ZEB1: variants seen among roughly 807,000 people sequenced by gnomAD.
ZEB1 encodes zinc finger E-box binding homeobox 1.
ZEB1 carries 21 observed loss-of-function variants against 84.9 expected under a neutral mutation model. That is an observed-to-expected ratio of 0.25 (90% CI 0.18 to 0.36). The LOEUF (loss-of-function observed/expected upper bound fraction) is 0.36, where lower values mean the gene tolerates loss of function less well. Ranked by LOEUF, ZEB1 falls within the 10% of genes least tolerant of loss-of-function variation. The probability of loss-of-function intolerance (pLI) is 1.00; values close to 1 mark genes in which losing one functional copy is unlikely to be tolerated. For missense variants in ZEB1, 1,104 were observed against 1,330.2 expected (o/e 0.83, Z 2.65); for synonymous variants, 420 against 471.1 (o/e 0.89, Z 1.41).
At chr10:31,369,824 A>G (rs1342673067) in intron 1 of ZEB1, among the ~76,000 whole-genome samples, 3 of 152,178 alleles carry the variant, frequency 2.0e-5, no homozygotes, top group Non-Finnish European at 4.4e-5. Context: ...CCCACCAACA[A>G]TGTACTGTAT....
At chr10:31,351,431 T>G (rs911589379) in intron 1 of ZEB1, among the ~76,000 whole-genome samples, 4 of 152,208 alleles carry the variant, frequency 2.6e-5, no homozygotes, top group African/African-American at 9.6e-5. Flanking sequence ...CATAGAATTT[T>G]CAAAATTCTT....
At chr10:31,363,565 A>G (rs1487186391) in intron 1 of ZEB1, 5 of 1,527,150 alleles carry the variant, frequency 3.3e-6, no homozygotes, top group Non-Finnish European at 4.4e-6. Flanking sequence ...CTGGTCTTTC[A>G]CCTCTGTTGC....
intron 2 of ZEB1, among the ~76,000 whole-genome samples, chr10:31,462,522 A>G (rs1176658340): frequency 6.6e-6 from 1 of 152,212 alleles, no homozygotes; most frequent in East Asian, 1.9e-4. Flanking sequence ...TCTGAGTGAA[A>G]CAGAGTGGTC....
intron 2 of ZEB1, among the ~76,000 whole-genome samples, chr10:31,464,114 A>C (rs1189487061): frequency 6.6e-6 from 1 of 152,228 alleles, no homozygotes; most frequent in Non-Finnish European, 1.5e-5. Context: ...CAGAGGATAC[A>C]TTTAACAACA....
intron 1 of ZEB1, 149 bp downstream of exon 1, chr10:31,319,441 G>GC (rs985371838): frequency 2.6e-5 from 19 of 728,848 alleles, no homozygotes; most frequent in African/African-American, 7.1e-5. Context: ...AGTGCTCTCT[G>GC]CCCCCCTCCG....
intron 1 of ZEB1, among the ~76,000 whole-genome samples, chr10:31,392,920 G>A (rs964383304): frequency 1.3e-5 from 2 of 151,884 alleles, no homozygotes; most frequent in African/African-American, 2.4e-5. Flanking sequence ...CTGGAGCCTC[G>A]ACCTCTGAGG....
At chr10:31,431,838 G>T (rs1427077243) in intron 1 of ZEB1, among the ~76,000 whole-genome samples, 1 of 152,278 alleles carries the variant, frequency 6.6e-6, no homozygotes, top group East Asian at 1.9e-4. Flanking sequence ...ATAACTAACA[G>T]ATAAAAGGAT....
intron 3 of ZEB1, among the ~76,000 whole-genome samples, chr10:31,497,588 T>G (rs993071175): frequency 6.6e-6 from 1 of 152,180 alleles, no homozygotes; most frequent in Non-Finnish European, 1.5e-5. Flanking sequence ...TTTGAGCAGT[T>G]AAACTGTAAA....
At chr10:31,405,311 A>C (rs2052772076) in intron 1 of ZEB1, among the ~76,000 whole-genome samples, 1 of 152,204 alleles carries the variant, frequency 6.6e-6, no homozygotes. Context: ...AAAGGTGGTC[A>C]AACTTCCAAT....
At chr10:31,510,564 T>A in intron 4 of ZEB1, 109 bp from the exon 5 acceptor site, 1 of 847,294 alleles carries the variant, frequency 1.2e-6, no homozygotes, top group Non-Finnish European at 1.9e-6. Flanking sequence ...GAGGATCAAA[T>A]ATAAAGTGGG....
intron 8 of ZEB1, 34 bp downstream of exon 8, chr10:31,524,147 G>C (rs2072930152): frequency 6.3e-7 from 1 of 1,581,732 alleles, no homozygotes; most frequent in Non-Finnish European, 8.7e-7. Flanking sequence ...AAGTGTCCAT[G>C]ATATGATATA....
At chr10:31,319,353 C>A in intron 1 of ZEB1, 61 bp downstream of exon 1, 2 of 1,548,194 alleles carry the variant, frequency 1.3e-6, no homozygotes, top group Non-Finnish European at 1.8e-6. Context: ...GCCGGGGCGC[C>A]CCCGGGGGTG....
At chr10:31,323,178 T>C (rs903241676) in intron 1 of ZEB1, among the ~76,000 whole-genome samples, 1 of 152,150 alleles carries the variant, frequency 6.6e-6, no homozygotes, top group African/African-American at 2.4e-5. Context: ...TTTTGTTTTA[T>C]GTTCTTAGGT....
chr10:31,438,139 C>T (rs368903277), intron 1 of ZEB1, among the ~76,000 whole-genome samples: 8 of 152,206 alleles, frequency 5.3e-5, no homozygotes, highest in African/African-American at 1.7e-4. Flanking sequence ...GCGCTCTCCA[C>T]GAGGCCTCCC....
rs569354560 is a variant in ZEB1 at position 31,458,818 on chromosome 10, G to A, written c.59-2219G>A. 1.9e-4 allele frequency among the ~76,000 whole-genome samples: 29 copies of A among 152,182 alleles called. No individual in the cohort carries two copies. In the South Asian group the frequency reaches 5.6e-3, roughly 29 times the overall value. On this transcript the variant is annotated intron_variant, in intron 1 of 8. Coordinates refer to ENST00000424869, the MANE Select transcript of ZEB1 (RefSeq NM_001174096.2). ...CAAAAAAATTATCAATAGATCATAG[G>A]TTGAAGTATATCTGTATGATAGAAT...
intron 1 of ZEB1, among the ~76,000 whole-genome samples, chr10:31,348,812 ATTTG>A (rs1163979774): frequency 6.6e-6 from 1 of 152,180 alleles, no homozygotes; most frequent in African/African-American, 2.4e-5. Flanking sequence ...ATCTTCTGTT[ATTTG>A]TTTAAATTGA....
chr10:31,381,387 A>G (rs551878019), intron 1 of ZEB1, among the ~76,000 whole-genome samples: 2 of 152,340 alleles, frequency 1.3e-5, no homozygotes, highest in African/African-American at 2.4e-5. Context: ...ATATCTAGCA[A>G]TACATTTGAG....
intron 1 of ZEB1, among the ~76,000 whole-genome samples, chr10:31,354,835 A>T (rs1243068262): frequency 6.6e-6 from 1 of 152,178 alleles, no homozygotes; most frequent in African/African-American, 2.4e-5. Context: ...CATTATAGTG[A>T]TCTTTAAAAG....
chr10:31,440,422 T>C (rs1374666227), intron 1 of ZEB1, among the ~76,000 whole-genome samples: 1 of 152,174 alleles, frequency 6.6e-6, no homozygotes, highest in Non-Finnish European at 1.5e-5. Flanking sequence ...TAATAAGAGC[T>C]ATTTATGACA....
Sources: allele counts gnomAD v4.1 joint callset (sites outside exome capture counted in the v4.1 genomes callset), GRCh38; gene constraint gnomAD v4.1.1; transcripts MANE v1.5; gene names NCBI Gene and HGNC (gene_info 2026-07-23, HGNC 2026-07-21).